Variants in STAG1 observed in about 807,000 individuals in gnomAD.
STAG1 encodes cohesin subunit SA-1.
In STAG1, 26 loss-of-function variants were observed where a neutral mutation model predicts 170.9. The observed-to-expected ratio is 0.15, with a 90% CI of 0.11 to 0.21. STAG1 has a LOEUF of 0.21. Ranked by LOEUF, STAG1 falls within the 10% of genes least tolerant of loss-of-function variation. The pLI is 1.00. For synonymous variants in STAG1, 514 were observed against 497.7 expected (o/e 1.03, Z -0.44); for missense variants, 964 against 1,509.5 (o/e 0.64, Z 5.99).
At position 136,615,234 on chromosome 3, in the gene STAG1, A is replaced by C. The variant is rs186506280; in HGVS notation, c.132+7912T>G. Among the ~76,000 whole-genome samples the C allele has an allele frequency of 1.4e-3, 211 of 152,120 alleles. 2 individuals carry two copies. The highest frequency in any genetic ancestry group is 4.6e-3 in the African/African-American group (193 of 41,522). On this transcript the variant is annotated intron_variant, in intron 3 of 33. Transcript: ENST00000383202. ...CAATGGTGTGAATGTGGGAAAGCAA[A>C]AGCCATACATGAAAAAACAAGAGAC...
intron 1 of STAG1, among the ~76,000 whole-genome samples, chr3:136,698,457 G>C (rs1316191815): frequency 6.6e-6 from 1 of 150,970 alleles, no homozygotes; most frequent in Non-Finnish European, 1.5e-5. Flanking sequence ...CCTTACTCCT[G>C]CAAGAATAGT....
At chr3:136,548,845 C>G (rs1209898530) in intron 5 of STAG1, among the ~76,000 whole-genome samples, 1 of 152,028 alleles carries the variant, frequency 6.6e-6, no homozygotes, top group Non-Finnish European at 1.5e-5. Flanking sequence ...ATGGATTTCC[C>G]TTTTGGTGTT....
At chr3:136,478,744 C>A (rs557361389) in intron 9 of STAG1, among the ~76,000 whole-genome samples, 2 of 152,114 alleles carry the variant, frequency 1.3e-5, no homozygotes, top group African/African-American at 4.8e-5. Flanking sequence ...AGCCATACTG[C>A]CAATTACAAC....
At position 136,715,225 on chromosome 3, in the gene STAG1, C is replaced by G. The variant is rs1415314803; in HGVS notation, c.-84+36970G>C. Among the ~76,000 whole-genome samples, 43 of 147,160 alleles carry G rather than the reference C, an allele frequency of 2.9e-4. 1 individual carries two copies. Among genetic ancestry groups the G allele is most frequent in the African/African-American group, 1.1e-3 (42 of 39,600 alleles). Reference sequence around the variant, plus strand: ...ACAGGGTCTTGCTATGTTACTCAAGCTAGTCTCAAACTCCAGGGCTCAAGT... The same window carrying G: ...ACAGGGTCTTGCTATGTTACTCAAGGTAGTCTCAAACTCCAGGGCTCAAGT... On this transcript the variant is annotated intron_variant, in intron 1 of 33. Transcript: ENST00000383202.
chr3:136,481,992 C>T lies in STAG1; in HGVS notation c.903-4580G>A, dbSNP rs1322209270. 5.6e-5 allele frequency among the ~76,000 whole-genome samples: 3 copies of T among 53,234 alleles called. 1 individual carries two copies. The highest frequency in any genetic ancestry group is 4.0e-5 in the Non-Finnish European group (1 of 24,930). The allele number at this position is 53,234 out of a possible 152,430, so 34.9% of individuals were successfully genotyped here. On this transcript the variant is annotated intron_variant, in intron 9 of 33. Coordinates refer to ENST00000383202, the MANE Select transcript of STAG1 (RefSeq NM_005862.3). Reference sequence around the variant, plus strand: ...CTTTTTTCTTTATTACTCTTGCTAGCGGTCTATCAATTTTGTTGATCCTTT... The same window carrying T: ...CTTTTTTCTTTATTACTCTTGCTAGTGGTCTATCAATTTTGTTGATCCTTT...
At position 136,577,312 on chromosome 3, in the gene STAG1, T is replaced by C. The variant is rs528110973; in HGVS notation, c.298-8451A>G. 3.3e-5 allele frequency among the ~76,000 whole-genome samples: 5 copies of C among 152,296 alleles called. No homozygotes were observed. In the East Asian group the frequency reaches 9.6e-4, roughly 29 times the overall value. The stretch of plus-strand genomic sequence containing the variant: ...TCTTATAGGTGAGGGGCTGATTTTG[T>C]TGAAAATCAAGCCAATAAAATCTAA... On this transcript the variant is annotated intron_variant, in intron 4 of 33. Transcript: ENST00000383202.
In STAG1 at chr3:136,340,532, C is replaced by T. The variant is rs774857808; in HGVS notation, c.3631G>A (p.Asp1211Asn). ...VMMSSRSQLE[D>N]MNEEFEDTMV... ...GTGTCCTCAAATTCTTCATTCATAT[C>T]TTCTAACTGGCTTCGGGATGACATC... The change falls in exon 32 of 34, where the codon GAT becomes AAT. Residue 1211 changes from aspartate (D) to asparagine (N), a missense_variant. Coordinates refer to ENST00000383202, the MANE Select transcript of STAG1 (RefSeq NM_005862.3). The T allele has an allele frequency of 6.2e-7, 1 of 1,613,856 alleles. No homozygotes were observed. Among genetic ancestry groups the T allele is most frequent in the Non-Finnish European group, 8.5e-7 (1 of 1,179,720 alleles).
intron 13 of STAG1, among the ~76,000 whole-genome samples, chr3:136,464,495 T>C (rs1427540385): frequency 1.3e-5 from 2 of 152,082 alleles, no homozygotes; most frequent in African/African-American, 4.8e-5. Flanking sequence ...TGGAAGGCAT[T>C]TTAAAGGTGA....
rs185112064 is a variant in STAG1 at position 136,587,740 on chromosome 3, A to C, written c.297+16569T>G. Among the ~76,000 whole-genome samples the C allele has an allele frequency of 5.4e-3, 828 of 152,264 alleles. 7 individuals are homozygous for C. The highest frequency in any genetic ancestry group is 9.5e-3 in the South Asian group (46 of 4,824). ...GAGGCCAAGGTGGGTAGATCACCTG[A>C]GGTCAGGAGGTGGAGACCAGCTTGG... On this transcript the variant is annotated intron_variant, in intron 4 of 33. Coordinates refer to ENST00000383202, the MANE Select transcript of STAG1 (RefSeq NM_005862.3).
At chr3:136,559,390 A>G (rs1174614474) in intron 5 of STAG1, among the ~76,000 whole-genome samples, 1 of 152,178 alleles carries the variant, frequency 6.6e-6, no homozygotes, top group African/African-American at 2.4e-5. Context: ...AAAAATAACA[A>G]TTAAAAAAAA....
intron 7 of STAG1, among the ~76,000 whole-genome samples, chr3:136,505,997 A>G (rs937388423): frequency 2.0e-5 from 3 of 152,190 alleles, no homozygotes; most frequent in African/African-American, 4.8e-5. Context: ...AAAGGAAGGA[A>G]GAGGCCAGAT....
intron 3 of STAG1, among the ~76,000 whole-genome samples, chr3:136,612,520 A>G (rs190496990): frequency 6.6e-6 from 1 of 152,326 alleles, no homozygotes; most frequent in East Asian, 1.9e-4. Flanking sequence ...AGGATAAAAA[A>G]AACAAAAAAC....
chr3:136,573,280 G>A (rs1042181674), intron 4 of STAG1, among the ~76,000 whole-genome samples: 3 of 152,048 alleles, frequency 2.0e-5, no homozygotes, highest in African/African-American at 4.8e-5. Flanking sequence ...TAGAAGCATT[G>A]CCAAGTATGG....
intron 1 of STAG1, among the ~76,000 whole-genome samples, chr3:136,660,539 T>C (rs930450910): frequency 3.3e-5 from 5 of 152,202 alleles, no homozygotes; most frequent in African/African-American, 4.8e-5. Flanking sequence ...ATGATTATAC[T>C]GTAACACTCA....
intron 1 of STAG1, among the ~76,000 whole-genome samples, chr3:136,638,843 A>G (rs1289134374): frequency 6.6e-6 from 1 of 152,136 alleles, no homozygotes; most frequent in Non-Finnish European, 1.5e-5. Context: ...CGGAGGCTGC[A>G]GTGAGCCAGG....
At chr3:136,659,915 A>T (rs757322359) in intron 1 of STAG1, among the ~76,000 whole-genome samples, 1 of 152,210 alleles carries the variant, frequency 6.6e-6, no homozygotes, top group Non-Finnish European at 1.5e-5. Context: ...ATGATAGTTC[A>T]TATCTGTAAT....
Position 136,338,104 on chromosome 3 carries a change from T to TGTCA in STAG1, c.*146_*149dup. ...TTGGGTAATTTACATGCTCCTCTTC[T>TGTCA]GTCACTGCAAAAAGGGATTGACCTT... On this transcript the variant is annotated 3_prime_UTR_variant, in exon 34 of 34. Transcript: ENST00000383202. 1.6e-6 allele frequency: 1 copy of TGTCA among 607,958 alleles called. No homozygotes were observed. The highest frequency in any genetic ancestry group is 3.0e-6 in the Non-Finnish European group (1 of 338,978). The allele number at this position is 607,958 out of a possible 1,614,324, so 37.7% of individuals were successfully genotyped here. A position where few individuals can be genotyped will look rare whatever the true frequency, so the allele number is the denominator to read the frequency against.
In STAG1 at chr3:136,349,291, G is replaced by C; in HGVS notation, c.3138C>G (p.Ile1046Met). 1 of 1,613,994 alleles carries C rather than the reference G, an allele frequency of 6.2e-7. No homozygotes were observed. Among genetic ancestry groups the C allele is most frequent in the East Asian group, 2.2e-5 (1 of 44,864 alleles). ...ERREDVWLPL[I>M]SYRNSLVTGG... ...CAGTGACTAATGAATTTCTATAGGA[G>C]ATGAGTGGAAGCCATACATCCTCCC... The change falls in exon 29 of 34, where the codon ATC becomes ATG. Residue 1046 changes from isoleucine (I) to methionine (M), a missense_variant. Transcript: ENST00000383202.
intron 1 of STAG1, among the ~76,000 whole-genome samples, chr3:136,738,359 C>G (rs1234885006): frequency 6.6e-6 from 1 of 152,130 alleles, no homozygotes; most frequent in Non-Finnish European, 1.5e-5. Flanking sequence ...GGCATGGTGG[C>G]ACTCATCTGT....
Sources: gnomAD v4.1 joint callset for allele counts (sites outside exome capture counted in the v4.1 genomes callset) on GRCh38, gnomAD v4.1.1 for gene constraint, MANE v1.5 for transcripts, NCBI Gene and HGNC (gene_info 2026-07-23, HGNC 2026-07-21) for gene names.